SBNO1: variants seen among roughly 807,000 people sequenced by gnomAD.
SBNO1 encodes the protein strawberry notch homolog 1, also known as protein strawberry notch homolog 1.
In SBNO1, 23 loss-of-function variants were observed where a neutral mutation model predicts 173.6. The ratio of observed to expected loss-of-function variants is 0.13; its 90% CI spans 0.10 to 0.19. SBNO1 has a LOEUF of 0.19. SBNO1 is among the 10% of genes least tolerant of loss of function. The pLI, the probability that SBNO1 is intolerant of heterozygous loss-of-function variation, is 1.00. For synonymous variants in SBNO1, 632 were observed against 571.5 expected (o/e 1.11, Z -1.51); for missense variants, 1,238 against 1,671.2 (o/e 0.74, Z 4.52).
chr12:123,304,642 T>C lies in SBNO1; in HGVS notation c.3708A>G (p.Pro1236=), dbSNP rs2048871983. The C allele has an allele frequency of 6.3e-7, 1 of 1,575,354 alleles. No homozygotes were observed. The highest frequency in any genetic ancestry group is 1.7e-4 in the Middle Eastern group (1 of 5,936). The change falls in exon 29 of 32, where the codon CCA becomes CCG. Residue 1236 remains proline, a synonymous_variant. Coordinates refer to ENST00000602398, the MANE Select transcript of SBNO1 (RefSeq NM_001167856.3). The part of the protein sequence containing the change: ...PKKKLFLVYR[P]NTGKQLKLEI... ...CTAATTTGAGCTGCTTCCCAGTATT[T>C]GGTCGATAAACTAAGAAAAGTTTCT...
intron 1 of SBNO1, among the ~76,000 whole-genome samples, chr12:123,359,996 T>A (rs1051366677): frequency 3.9e-5 from 6 of 152,030 alleles, no homozygotes; most frequent in African/African-American, 1.4e-4. Context: ...ATCCCAGCAG[T>A]TTGGGAGGCC....
At chr12:123,297,879 G>A in intron 31 of SBNO1, 99 bp downstream of exon 31, 1 of 1,066,186 alleles carries the variant, frequency 9.4e-7, no homozygotes, top group African/African-American at 1.6e-5. Context: ...TGGAAGAGAT[G>A]TTAGATGCAT....
intron 13 of SBNO1, among the ~76,000 whole-genome samples, chr12:123,326,731 G>T (rs910472137): frequency 6.6e-6 from 1 of 152,130 alleles, no homozygotes; most frequent in African/African-American, 2.4e-5. Context: ...TTCCAGATCA[G>T]GCTGGGCAAC....
intron 28 of SBNO1, among the ~76,000 whole-genome samples, chr12:123,307,015 T>A (rs577895444): frequency 1.1e-4 from 11 of 104,278 alleles, no homozygotes; most frequent in Non-Finnish European, 1.7e-4. Flanking sequence ...AGACATCAAC[T>A]GCATTAAAAA....
intron 15 of SBNO1, 49 bp from the exon 16 acceptor site, chr12:123,323,880 T>C (rs778324611): frequency 2.9e-6 from 4 of 1,389,670 alleles, no homozygotes; most frequent in Non-Finnish European, 3.9e-6. Flanking sequence ...ACAAAATAAT[T>C]ATATGTAAAG....
chr12:123,299,467 G>A (rs969994450), intron 30 of SBNO1, among the ~76,000 whole-genome samples: 1 of 151,756 alleles, frequency 6.6e-6, no homozygotes, highest in African/African-American at 2.4e-5. Context: ...AGATCATGAG[G>A]TCAGGAGATC....
At chr12:123,348,400 G>A (rs908870789) in intron 2 of SBNO1, among the ~76,000 whole-genome samples, 1 of 152,114 alleles carries the variant, frequency 6.6e-6, no homozygotes, top group Non-Finnish European at 1.5e-5. Context: ...GAGGTGGGCG[G>A]ATCATGAGGT....
intron 1 of SBNO1, among the ~76,000 whole-genome samples, chr12:123,362,435 C>T (rs1215869535): frequency 2.0e-5 from 1 of 49,710 alleles, no homozygotes; most frequent in East Asian, 9.0e-4. Context: ...GACTCCGTCT[C>T]AAAAAAAAAA....
chr12:123,348,149 C>T lies in SBNO1; in HGVS notation c.133-16G>A, dbSNP rs755426972. On this transcript the variant is annotated splice_polypyrimidine_tract_variant and intron_variant, in intron 2 of 31. Coordinates refer to ENST00000602398, the MANE Select transcript of SBNO1 (RefSeq NM_001167856.3). ...GTGGCACTGACTGGAGAGAAAACAA[C>T]ATCAGACAAAAAATAAAAGGACAGC... is the stretch of plus-strand genomic sequence containing the variant. 1.0e-4 allele frequency: 135 copies of T among 1,354,634 alleles called. 3 individuals are homozygous for T. The South Asian group carries it at 1.2e-3, about 13-fold the overall frequency. 83.9% of individuals were successfully genotyped at this position (1,354,634 alleles called of 1,614,324 possible). A position where few individuals can be genotyped will look rare whatever the true frequency, so the allele number is the denominator to read the frequency against.
rs116010053 is a variant in SBNO1, at chr12:123,336,607, C to T, written c.652-116G>A. 365 of 650,780 alleles carry T rather than the reference C, an allele frequency of 5.6e-4. 2 individuals carry two copies. The African/African-American group carries it at 6.3e-3, about 11-fold the overall frequency. 40.3% of individuals were successfully genotyped at this position (650,780 alleles called of 1,614,324 possible). ...AAATTTCCATCATGGAAACATGACG[C>T]GCCACCTCAATACTCCCTAAAATCT... On this transcript the variant is annotated intron_variant, in intron 5 of 31. Transcript: ENST00000602398.
chr12:123,319,798 A>AATGGACATG, intron 20 of SBNO1, 102 bp downstream of exon 20: 1 of 954,052 alleles, frequency 1.0e-6, no homozygotes, highest in Non-Finnish European at 1.6e-6. Flanking sequence ...GACAATACTC[A>AATGGACATG]ATGGACATGA....
intron 30 of SBNO1, among the ~76,000 whole-genome samples, chr12:123,300,289 G>A (rs972215785): frequency 6.6e-6 from 1 of 151,992 alleles, no homozygotes; most frequent in Non-Finnish European, 1.5e-5. Context: ...TCAAACTCCC[G>A]GCCTCAAGCA....
chr12:123,299,816 G>C (rs1017991215), intron 30 of SBNO1, among the ~76,000 whole-genome samples: 2 of 152,028 alleles, frequency 1.3e-5, no homozygotes. Context: ...TGGTGCCATT[G>C]CACTCAAGCC....
intron 17 of SBNO1, 75 bp from the exon 18 acceptor site, chr12:123,320,941 G>C: frequency 8.1e-7 from 1 of 1,230,306 alleles, no homozygotes; most frequent in Non-Finnish European, 1.1e-6. Flanking sequence ...AACAACCTTT[G>C]AAATTTTATT....
At position 123,298,058 on chromosome 12, in the gene SBNO1, C is replaced by CCCT; in HGVS notation, c.3956_3958dup (p.Glu1319dup). 1 of 1,613,848 alleles carries CCCT rather than the reference C, an allele frequency of 6.2e-7. No homozygotes were observed. The highest frequency in any genetic ancestry group is 8.5e-7 in the Non-Finnish European group (1 of 1,179,954). ...TGTGCCACTGACAGATGCTAGAACACCCTCAACTTTTGTCCAGACACTCAG... is the reference window on the plus strand; with the variant it reads ...TGTGCCACTGACAGATGCTAGAACACCCTCCTCAACTTTTGTCCAGACACTCAG... On this transcript the variant is annotated inframe_insertion, in exon 31 of 32. Coordinates refer to ENST00000602398, the MANE Select transcript of SBNO1 (RefSeq NM_001167856.3).
chr12:123,333,558 A>G (rs1187568712), intron 7 of SBNO1, among the ~76,000 whole-genome samples: 1 of 151,854 alleles, frequency 6.6e-6, no homozygotes, highest in African/African-American at 2.4e-5. Context: ...GTGGAGTGAC[A>G]AGATCACAGC....
chr12:123,324,939 G>C (rs1303220492), intron 15 of SBNO1, among the ~76,000 whole-genome samples: 1 of 151,966 alleles, frequency 6.6e-6, no homozygotes, highest in African/African-American at 2.4e-5. Flanking sequence ...CTCCCAGGTA[G>C]GTGGGACTAC....
In SBNO1 at chr12:123,291,723, A is replaced by G. The variant is rs1336993663; in HGVS notation, c.*4185T>C. On this transcript the variant is annotated 3_prime_UTR_variant, in exon 32 of 32. Coordinates refer to ENST00000602398, the MANE Select transcript of SBNO1 (RefSeq NM_001167856.3). ...AAGTCATAAGATGCCCCATATGGGA[A>G]AGTCAAGAAAAGAATAAATAGAGCT... is the stretch of plus-strand genomic sequence containing the variant. The G allele has an allele frequency of 6.6e-6, 1 of 151,792 alleles. No individual in the cohort carries two copies. Among genetic ancestry groups the G allele is most frequent in the Non-Finnish European group, 1.5e-5 (1 of 67,978 alleles). The allele number at this position is 151,792 out of a possible 1,614,324, so 9.4% of individuals were successfully genotyped here. A position where few individuals can be genotyped will look rare whatever the true frequency, so the allele number is the denominator to read the frequency against.
At chr12:123,317,436 G>A (rs1208457013) in intron 20 of SBNO1, 80 bp from the exon 21 acceptor site, 2 of 1,241,466 alleles carry the variant, frequency 1.6e-6, no homozygotes, top group Non-Finnish European at 2.3e-6. Flanking sequence ...TCCTTCAGCA[G>A]ACTGCCTATT....
Sources: allele counts gnomAD v4.1 joint callset (sites outside exome capture counted in the v4.1 genomes callset), GRCh38; gene constraint gnomAD v4.1.1; transcripts MANE v1.5; gene names NCBI Gene and HGNC (gene_info 2026-07-23, HGNC 2026-07-21).